Variants in AKR1C1 observed in about 807,000 individuals in gnomAD.
AKR1C1 encodes the protein aldo-keto reductase family 1 member C1, also known as 20 alpha-hydroxysteroid dehydrogenase.
A neutral mutation model predicts 40.6 loss-of-function variants in AKR1C1; 32 were observed. The observed-to-expected ratio is 0.79, with a 90% CI of 0.60 to 1.06. The LOEUF (loss-of-function observed/expected upper bound fraction) is 1.06, where lower values mean the gene tolerates loss of function less well. Among genes scored for constraint, AKR1C1 ranks in the 50% least tolerant of loss-of-function variants. The probability of loss-of-function intolerance (pLI) is 0.00; values close to 1 mark genes in which losing one functional copy is unlikely to be tolerated. For synonymous variants in AKR1C1, 105 were observed against 134.2 expected (o/e 0.78, Z 1.50); for missense variants, 320 against 363.5 (o/e 0.88, Z 0.97).
At chr10:4,967,383 G>C (rs530478204) in intron 3 of AKR1C1, 19 of 1,059,830 alleles carry the variant, frequency 1.8e-5, no homozygotes, top group Non-Finnish European at 1.8e-5. Context: ...ATGAAGCTGT[G>C]GTGTCCAGAA....
intron 8 of AKR1C1, 48 bp from the exon 9 acceptor site, chr10:4,977,652 A>G: frequency 6.2e-7 from 1 of 1,612,068 alleles, no homozygotes; most frequent in Non-Finnish European, 8.5e-7. Context: ...ACCCGCTAGT[A>G]ACGGAGTCAT....
At chr10:4,969,621 T>C (rs1487703075) in intron 5 of AKR1C1, 1 of 1,589,810 alleles carries the variant, frequency 6.3e-7, no homozygotes, top group Non-Finnish European at 8.6e-7. Context: ...CTTTGGAGTC[T>C]GTCATGCAAT....
At chr10:4,974,286 T>G (rs1490807453) in intron 7 of AKR1C1, among the ~76,000 whole-genome samples, 2 of 151,882 alleles carry the variant, frequency 1.3e-5, no homozygotes, top group Non-Finnish European at 2.9e-5. Context: ...ATATGTTAGA[T>G]TAACTAGAAA....
intron 5 of AKR1C1, chr10:4,969,951 T>C: frequency 2.0e-6 from 1 of 492,818 alleles, no homozygotes; most frequent in Non-Finnish European, 3.6e-6. Context: ...TAATGTGGTT[T>C]TAATACTAGT....
intron 7 of AKR1C1, among the ~76,000 whole-genome samples, chr10:4,973,628 G>T (rs1352829884): frequency 1.3e-5 from 2 of 152,156 alleles, no homozygotes; most frequent in East Asian, 1.9e-4. Flanking sequence ...GACTCAAGGG[G>T]TGGGGAAAAA....
At chr10:4,975,102 TG>T (rs1836506327) in intron 7 of AKR1C1, among the ~76,000 whole-genome samples, 1 of 152,022 alleles carries the variant, frequency 6.6e-6, no homozygotes, top group Non-Finnish European at 1.5e-5. Flanking sequence ...CTGTTACTGA[TG>T]ATTTTAATAG....
In AKR1C1 at chr10:4,968,815, T is replaced by A; in HGVS notation, c.448-7T>A. Reference sequence around the variant, plus strand: ...ATCTTCCACACCTCACAATTCCTTTTTCCCAGGCCGTGGAGAAGTGTAAAG... The same window carrying A: ...ATCTTCCACACCTCACAATTCCTTTATCCCAGGCCGTGGAGAAGTGTAAAG... On this transcript the variant is annotated splice_region_variant and splice_polypyrimidine_tract_variant and intron_variant, in intron 4 of 8. Transcript: ENST00000380872. 1.2e-6 allele frequency: 2 copies of A among 1,614,124 alleles called. No individual in the cohort carries two copies. Among genetic ancestry groups the A allele is most frequent in the Non-Finnish European group, 8.5e-7 (1 of 1,179,988 alleles).
chr10:4,974,031 G>C (rs1836484374), intron 7 of AKR1C1, among the ~76,000 whole-genome samples: 1 of 151,060 alleles, frequency 6.6e-6, no homozygotes, highest in Non-Finnish European at 1.5e-5. Context: ...AAATCCATAG[G>C]ATACTCTGAA....
At position 4,978,051 on chromosome 10, in the gene AKR1C1, G is replaced by A. The variant is rs1243111256; in HGVS notation, c.*309G>A. 9 of 359,050 alleles carry A rather than the reference G, an allele frequency of 2.5e-5. No individual in the cohort carries two copies. The highest frequency in any genetic ancestry group is 8.8e-5 in the African/African-American group (4 of 45,624). The allele number at this position is 359,050 out of a possible 1,614,324, so 22.2% of individuals were successfully genotyped here. The stretch of plus-strand genomic sequence containing the variant: ...GTGATTTGCCTATACGTTTAGGGCC[G>A]GGGTTGGAAGATGTTAACAACCATT... On this transcript the variant is annotated 3_prime_UTR_variant, in exon 9 of 9. Coordinates refer to ENST00000380872, the MANE Select transcript of AKR1C1 (RefSeq NM_001353.6).
At position 4,968,169 on chromosome 10, in the gene AKR1C1, T is replaced by C. The variant is rs2131642117; in HGVS notation, c.370-140T>C. 1.0e-5 allele frequency: 12 copies of C among 1,157,106 alleles called. 1 individual carries two copies. The highest frequency in any genetic ancestry group is 9.9e-6 in the Non-Finnish European group (8 of 811,284). 71.7% of individuals were successfully genotyped at this position (1,157,106 alleles called of 1,614,324 possible). A position where few individuals can be genotyped will look rare whatever the true frequency, so the allele number is the denominator to read the frequency against. The stretch of plus-strand genomic sequence containing the variant: ...ACATTCCTTATACCTTCATATGTAG[T>C]ACACTCTGTACATACCACTCTCTGG... On this transcript the variant is annotated intron_variant, in intron 3 of 8. Coordinates refer to ENST00000380872, the MANE Select transcript of AKR1C1 (RefSeq NM_001353.6).
At position 4,965,914 on chromosome 10, in the gene AKR1C1, G is replaced by A. The variant is rs371787687; in HGVS notation, c.85G>A (p.Val29Ile). The A allele has an allele frequency of 2.5e-5, 40 of 1,613,032 alleles. No individual in the cohort carries two copies. Among genetic ancestry groups the A allele is most frequent in the Non-Finnish European group, 3.3e-5 (39 of 1,179,636 alleles). ...ATACTACCTATGGTTACTCCCCCAG[G>A]TTCCTAAAAGTAAAGCTTTAGAGGC... ...LGFGTYAPAEVPKSKALEATK... is the reference protein window; with the variant it reads ...LGFGTYAPAEIPKSKALEATK... Residue 29 changes from valine to isoleucine, a missense_variant and splice_region_variant, in exon 2 of 9, where the codon GTT (valine) becomes ATT (isoleucine). Physicochemically the swap from Val to Ile is conservative, Grantham distance 29. Coordinates refer to ENST00000380872, the MANE Select transcript of AKR1C1 (RefSeq NM_001353.6).
Position 4,965,926 on chromosome 10 carries a change from AAAG to A in AKR1C1, c.98_100del (p.Lys33_Ala34delinsThr). The stretch of plus-strand genomic sequence containing the variant: ...GTTACTCCCCCAGGTTCCTAAAAGT[AAAG>A]CTTTAGAGGCCACCAAATTGGCAAT... On this transcript the variant is annotated inframe_deletion, in exon 2 of 9. Coordinates refer to ENST00000380872, the MANE Select transcript of AKR1C1 (RefSeq NM_001353.6). 1 of 1,613,488 alleles carries A rather than the reference AAAG, an allele frequency of 6.2e-7. No homozygotes were observed.
At position 4,983,161 on chromosome 10, in the gene AKR1C1, C is replaced by A; in HGVS notation, c.*5419C>A. On this transcript the variant is annotated 3_prime_UTR_variant, in exon 9 of 9. Coordinates refer to ENST00000380872, the MANE Select transcript of AKR1C1 (RefSeq NM_001353.6). ...CATGGACATCCTGAAGCAGAGCTGC[C>A]TCACTGCCCTGCACACACATGAGAG... is the stretch of plus-strand genomic sequence containing the variant. The A allele has an allele frequency of 4.0e-6, 1 of 251,394 alleles. No individual in the cohort carries two copies. The highest frequency in any genetic ancestry group is 1.4e-3 in the Middle Eastern group (1 of 700). 15.6% of individuals were successfully genotyped at this position (251,394 alleles called of 1,614,324 possible). A position where few individuals can be genotyped will look rare whatever the true frequency, so the allele number is the denominator to read the frequency against.
intron 5 of AKR1C1, among the ~76,000 whole-genome samples, chr10:4,969,355 G>A (rs1164488036): frequency 1.3e-5 from 2 of 152,248 alleles, no homozygotes; most frequent in Admixed American, 6.5e-5. Flanking sequence ...GAGAGCAAGA[G>A]AAGAGAAATA....
chr10:4,973,119 T>C (rs1351694191), intron 7 of AKR1C1, among the ~76,000 whole-genome samples: 1 of 151,936 alleles, frequency 6.6e-6, no homozygotes, highest in Non-Finnish European at 1.5e-5. Context: ...TTCCTTATAT[T>C]TATTCTCTTA....
At chr10:4,969,488 G>C (rs1361268683) in intron 5 of AKR1C1, among the ~76,000 whole-genome samples, 1 of 143,376 alleles carries the variant, frequency 7.0e-6, no homozygotes, top group East Asian at 1.9e-4. Context: ...ATCCATGGTA[G>C]AAAGAGAAAA....
At position 4,981,360 on chromosome 10, in the gene AKR1C1, A is replaced by G. The variant is rs868973969; in HGVS notation, c.*3618A>G. 2 of 152,196 alleles carry G rather than the reference A, an allele frequency of 1.3e-5. No homozygotes were observed. The highest frequency in any genetic ancestry group is 6.5e-5 in the Admixed American group (1 of 15,278). 9.4% of individuals were successfully genotyped at this position (152,196 alleles called of 1,614,324 possible). On this transcript the variant is annotated 3_prime_UTR_variant, in exon 9 of 9. Coordinates refer to ENST00000380872, the MANE Select transcript of AKR1C1 (RefSeq NM_001353.6). ...AAGAAATAATTTTAAAAACTACTCA[A>G]AGAAATCAGAGATATCACAAAATGA...
intron 7 of AKR1C1, among the ~76,000 whole-genome samples, chr10:4,973,512 A>G (rs1836473092): frequency 6.6e-6 from 1 of 151,746 alleles, no homozygotes. Context: ...CATGACCCCA[A>G]GGCAGTGAGT....
At chr10:4,971,530 A>G (rs1433506421) in intron 5 of AKR1C1, among the ~76,000 whole-genome samples, 7 of 147,146 alleles carry the variant, frequency 4.8e-5, no homozygotes, top group Non-Finnish European at 9.0e-5. Context: ...TATAAAATAT[A>G]TATGAAAGAA....
Sources: gnomAD v4.1 joint callset for allele counts (sites outside exome capture counted in the v4.1 genomes callset) on GRCh38, gnomAD v4.1.1 for gene constraint, MANE v1.5 for transcripts, NCBI Gene and HGNC (gene_info 2026-07-23, HGNC 2026-07-21) for gene names.